The following LINGO2 variants were observed in gnomAD, a reference collection of about 807,000 sequenced individuals.
LINGO2 encodes the protein leucine-rich repeat and immunoglobulin-like domain-containing nogo receptor-interacting protein 2.
A neutral mutation model predicts 30.6 loss-of-function variants in LINGO2; 14 were observed. That is an observed-to-expected ratio of 0.46 (90% CI 0.30 to 0.72). The LOEUF (loss-of-function observed/expected upper bound fraction) is 0.72, where lower values mean the gene tolerates loss of function less well. Among genes scored for constraint, LINGO2 ranks in the 30% least tolerant of loss-of-function variants. The pLI is 0.07. For synonymous variants in LINGO2, 317 were observed against 288.5 expected (o/e 1.10, Z -1.00); for missense variants, 729 against 751.7 (o/e 0.97, Z 0.35).
At chr9:28,464,241 G>A (rs4007444) in intron 2 of LINGO2, among the ~76,000 whole-genome samples, 136,356 of 152,234 alleles carry the variant, frequency 0.9, 61,169 homozygotes, top group East Asian at 1. Context: ...TTCTATTCCT[G>A]TGTTACACTA....
chr9:28,976,386 A>G, the LINGO2 span, among the ~76,000 whole-genome samples: 3 of 152,188 alleles, frequency 2.0e-5, no homozygotes, highest in Admixed American at 6.5e-5. Context: ...ATTCATTGTC[A>G]TACCATGATC....
At chr9:28,698,978 G>A in the LINGO2 span, among the ~76,000 whole-genome samples, 182 of 151,956 alleles carry the variant, frequency 1.2e-3, 1 homozygote, top group African/African-American at 3.7e-3. Flanking sequence ...GAAGTTTGAG[G>A]CTGTAGTGAG....
chr9:28,161,048 A>G (rs1394331040), intron 4 of LINGO2, among the ~76,000 whole-genome samples: 1 of 152,214 alleles, frequency 6.6e-6, no homozygotes, highest in Non-Finnish European at 1.5e-5. Flanking sequence ...CTGCCATTGC[A>G]TCATTAACCA....
chr9:28,189,686 AGGAAGGAAGGGAGGG>A lies in LINGO2; in HGVS notation c.-87+105507_-87+105521del, dbSNP rs1402044767. Reference sequence around the variant, plus strand: ...AAGGAAGGGAGGAAGGAAGGAAGGGAGGAAGGAAGGGAGGGAGGAAGGAAGGAAGGAAGGAAGGTT... The same window carrying A: ...AAGGAAGGGAGGAAGGAAGGAAGGGAAGGAAGGAAGGAAGGAAGGAAGGTT... On this transcript the variant is annotated intron_variant, in intron 4 of 5. Transcript: ENST00000379992. Among the ~76,000 whole-genome samples the A allele has an allele frequency of 1.5e-4, 9 of 59,542 alleles. 1 individual carries two copies. Among genetic ancestry groups the A allele is most frequent in the South Asian group, 1.0e-3 (2 of 1,912 alleles). The allele number at this position is 59,542 out of a possible 152,430, so 39.1% of individuals were successfully genotyped here.
At chr9:29,125,442 T>G in the LINGO2 span, among the ~76,000 whole-genome samples, 1 of 151,866 alleles carries the variant, frequency 6.6e-6, no homozygotes, top group Admixed American at 6.6e-5. Context: ...AATATATATA[T>G]ATACATAGTT....
intron 4 of LINGO2, among the ~76,000 whole-genome samples, chr9:28,133,303 G>A (rs1228731218): frequency 6.6e-6 from 1 of 152,028 alleles, no homozygotes; most frequent in Non-Finnish European, 1.5e-5. Flanking sequence ...CATATTAAAA[G>A]TTTTGGGTGA....
the LINGO2 span, among the ~76,000 whole-genome samples, chr9:28,779,182 T>C: frequency 1.1e-3 from 169 of 152,342 alleles, no homozygotes; most frequent in Non-Finnish European, 1.5e-3. Context: ...GTTTTTAAAA[T>C]AATTTATTTC....
chr9:29,114,547 C>T, the LINGO2 span, among the ~76,000 whole-genome samples: 1 of 114,156 alleles, frequency 8.8e-6, no homozygotes, highest in Non-Finnish European at 1.7e-5. Flanking sequence ...TGCTATCCCT[C>T]CCCCCTCCCC....
chr9:28,953,067 G>T, the LINGO2 span, among the ~76,000 whole-genome samples: 1 of 152,126 alleles, frequency 6.6e-6, no homozygotes, highest in Admixed American at 6.6e-5. Context: ...AACAATGACT[G>T]GCCATAATGA....
intron 5 of LINGO2, among the ~76,000 whole-genome samples, chr9:27,960,768 G>A (rs1022498005): frequency 2.0e-5 from 3 of 151,758 alleles, no homozygotes; most frequent in African/African-American, 7.3e-5. Flanking sequence ...ATTTAATATA[G>A]TTATTGATAT....
At chr9:28,792,401 G>C in the LINGO2 span, among the ~76,000 whole-genome samples, 1 of 151,986 alleles carries the variant, frequency 6.6e-6, no homozygotes, top group Non-Finnish European at 1.5e-5. Flanking sequence ...TAAACAAGCT[G>C]ATAATGAATG....
chr9:27,961,442 C>T (rs1370971137), intron 5 of LINGO2, among the ~76,000 whole-genome samples: 1 of 152,052 alleles, frequency 6.6e-6, no homozygotes, highest in Non-Finnish European at 1.5e-5. Context: ...TTTGCAAAGG[C>T]ATGGAGACAG....
intron 4 of LINGO2, among the ~76,000 whole-genome samples, chr9:28,199,846 C>CA (rs1820163636): frequency 2.0e-5 from 3 of 151,966 alleles, no homozygotes; most frequent in African/African-American, 7.3e-5. Flanking sequence ...GATAATTCTT[C>CA]AAAAACAATA....
In LINGO2 at chr9:28,023,788, C is replaced by T. The variant is rs79449943; in HGVS notation, c.-86-11383G>A. The stretch of plus-strand genomic sequence containing the variant: ...CTTTCCTGGGTTTCTAACATGAGAA[C>T]CTGGTGACTTTCCTAGAGATAAAAC... On this transcript the variant is annotated intron_variant, in intron 4 of 5. Coordinates refer to ENST00000379992, the Ensembl canonical transcript of LINGO2. 0.014 allele frequency among the ~76,000 whole-genome samples: 2,125 copies of T among 152,224 alleles called. 211 individuals are homozygous for T. The East Asian group carries it at 0.26, about 19-fold the overall frequency.
At chr9:28,501,624 T>C (rs1164023289) in intron 1 of LINGO2, among the ~76,000 whole-genome samples, 1 of 152,108 alleles carries the variant, frequency 6.6e-6, no homozygotes, top group Admixed American at 6.6e-5. Flanking sequence ...GGGGAAGGGA[T>C]GGTGGAGAAA....
chr9:29,181,071 T>C, the LINGO2 span, among the ~76,000 whole-genome samples: 1 of 152,220 alleles, frequency 6.6e-6, no homozygotes, highest in South Asian at 2.1e-4. Context: ...GGAAAGTAAC[T>C]GCTATGTGTA....
chr9:28,201,514 T>C (rs1820233927), intron 4 of LINGO2, among the ~76,000 whole-genome samples: 1 of 150,504 alleles, frequency 6.6e-6, no homozygotes. Flanking sequence ...GTCTTTGCTA[T>C]TGTGAATAAT....
rs983692290 is a variant in LINGO2 at position 28,374,988 on chromosome 9, T to C, written c.-278-2120A>G. On this transcript the variant is annotated intron_variant, in intron 2 of 5. Transcript: ENST00000379992. ...TAGAGGACGACCCTCTTGTACAGCT[T>C]AAGAACTCCCAGGACCTATTCTTGG... 1.7e-4 allele frequency among the ~76,000 whole-genome samples: 26 copies of C among 152,140 alleles called. No homozygotes were observed. The East Asian group carries it at 5.0e-3, about 29-fold the overall frequency.
chr9:29,105,389 G>A, the LINGO2 span, among the ~76,000 whole-genome samples: 1 of 152,110 alleles, frequency 6.6e-6, no homozygotes, highest in East Asian at 1.9e-4. Flanking sequence ...TGTCATAAAG[G>A]AAGATGAATT....
Sources: allele counts gnomAD v4.1 joint callset (sites outside exome capture counted in the v4.1 genomes callset), GRCh38; gene constraint gnomAD v4.1.1; transcripts MANE v1.5; gene names NCBI Gene and HGNC (gene_info 2026-07-23, HGNC 2026-07-21).